DCTN1: variants seen among roughly 807,000 people sequenced by gnomAD.
DCTN1 encodes the protein 150 kDa dynein-associated polypeptide.
DCTN1 carries 61 observed loss-of-function variants against 161.2 expected under a neutral mutation model. That is an observed-to-expected ratio of 0.38 (90% confidence interval 0.31 to 0.47). DCTN1 has a LOEUF of 0.47. Among genes scored for constraint, DCTN1 ranks in the 20% least tolerant of loss-of-function variants. The pLI, the probability that DCTN1 is intolerant of heterozygous loss-of-function variation, is 0.99. For synonymous variants in DCTN1, 653 were observed against 632.4 expected (o/e 1.03, Z -0.49); for missense variants, 1,404 against 1,623.7 (o/e 0.86, Z 2.33).
intron 2 of DCTN1, 84 bp downstream of exon 2, chr2:74,377,916 A>G: frequency 6.3e-7 from 1 of 1,585,804 alleles, no homozygotes; most frequent in Non-Finnish European, 8.6e-7. Context: ...GCCCATGCTC[A>G]GGAAAACGAA....
chr2:74,387,080 T>C (rs1314531760), intron 1 of DCTN1: 1 of 152,296 alleles, frequency 6.6e-6, no homozygotes, highest in East Asian at 1.9e-4. Context: ...CATTGCTATC[T>C]GGCTCCATCC....
intron 26 of DCTN1, 52 bp from the exon 27 acceptor site, chr2:74,363,680 G>C: frequency 6.2e-7 from 1 of 1,610,606 alleles, no homozygotes; most frequent in Non-Finnish European, 8.5e-7. Context: ...AGAGGAGTTA[G>C]GTGATTTGGG....
Position 74,371,110 on chromosome 2 carries a change from G to A in DCTN1, c.712C>T (p.Arg238Trp). Residue 238 changes from arginine to tryptophan, a missense_variant, in exon 9 of 32, where the codon CGG becomes TGG. Transcript: ENST00000628224. Reference sequence around the variant, plus strand: ...TTTAGCTTTGCTTTGTCTTCTGCCCGTTTCAGTCTCAGGGTCTCTAGTTTC... The same window carrying A: ...TTTAGCTTTGCTTTGTCTTCTGCCCATTTCAGTCTCAGGGTCTCTAGTTTC... ...EEKLETLRLK[R>W]AEDKAKLKEL... 4 of 1,614,106 alleles carry A rather than the reference G, an allele frequency of 2.5e-6. No individual in the cohort carries two copies. The highest frequency in any genetic ancestry group is 2.5e-6 in the Non-Finnish European group (3 of 1,180,040).
chr2:74,391,846 C>G (rs1375061426), exon 1 of DCTN1: 1 of 453,878 alleles, frequency 2.2e-6, no homozygotes. Context: ...CGACCGACGC[C>G]CAAGACCCTG....
intron 1 of DCTN1, among the ~76,000 whole-genome samples, chr2:74,379,510 G>A (rs1675411572): frequency 1.3e-5 from 2 of 152,092 alleles, no homozygotes; most frequent in Non-Finnish European, 2.9e-5. Flanking sequence ...TCATGGACCT[G>A]ACAATAAAAG....
At chr2:74,384,178 C>T (rs534805636), upstream of DCTN1, among the ~76,000 whole-genome samples, 5 of 152,318 alleles carry the variant, frequency 3.3e-5, no homozygotes, top group Non-Finnish European at 5.9e-5. Flanking sequence ...ATTGCATACA[C>T]GAATACATGT....
At position 74,369,179 on chromosome 2, in the gene DCTN1, T is replaced by G; in HGVS notation, c.1620A>C (p.Ala540=). 1 of 1,614,266 alleles carries G rather than the reference T, an allele frequency of 6.2e-7. No homozygotes were observed. Among genetic ancestry groups the G allele is most frequent in the Non-Finnish European group, 8.5e-7 (1 of 1,180,050 alleles). ...GTGGCTGCTGTTGCCTCTCCACAGATGCTTCCTGCTGGTTTGTCAGTTCCC... is the reference window on the plus strand; with the variant it reads ...GTGGCTGCTGTTGCCTCTCCACAGAGGCTTCCTGCTGGTTTGTCAGTTCCC... The part of the protein sequence containing the change: ...VNRELTNQQE[A]SVERQQQPPP... The change falls in exon 15 of 32, where the codon GCA becomes GCC. Residue 540 remains alanine (A), a synonymous_variant. Coordinates refer to ENST00000628224, the MANE Select transcript of DCTN1 (RefSeq NM_004082.5). The surrounding 1 kb of genome is among the most constrained non-coding windows in gnomAD (Gnocchi z 4.9).
chr2:74,368,383 C>T, intron 16 of DCTN1: 1 of 618,060 alleles, frequency 1.6e-6, no homozygotes, highest in Non-Finnish European at 2.8e-6. Flanking sequence ...TCTTTCCTGA[C>T]TTAAAGCTGC....
chr2:74,367,009 G>C, intron 20 of DCTN1, 36 bp downstream of exon 20: 2 of 1,614,196 alleles, frequency 1.2e-6, no homozygotes, highest in South Asian at 2.2e-5. Context: ...GACTAAGAAA[G>C]AAGAGGAGCT....
Position 74,361,422 on chromosome 2 carries a change from G to C in DCTN1, c.*77C>G, listed in dbSNP as rs917118890. 6.2e-7 allele frequency: 1 copy of C among 1,604,298 alleles called. No individual in the cohort carries two copies. ...TAACCCACGTTTCTACCTGGGGGCT[G>C]GCTGAGGTGGCTGTGCATCGGGCAG... On this transcript the variant is annotated 3_prime_UTR_variant, in exon 32 of 32. Coordinates refer to ENST00000628224, the MANE Select transcript of DCTN1 (RefSeq NM_004082.5).
chr2:74,383,847 T>C (rs1313380273), upstream of DCTN1: 2 of 152,316 alleles, frequency 1.3e-5, no homozygotes, highest in Non-Finnish European at 2.9e-5. Flanking sequence ...CAGGGACATT[T>C]TGAAGATTAA....
At chr2:74,372,856 C>A in intron 7 of DCTN1, 72 bp downstream of exon 7, 1 of 1,447,978 alleles carries the variant, frequency 6.9e-7, no homozygotes, top group Non-Finnish European at 9.7e-7. Flanking sequence ...ATACACGTGC[C>A]CTCATACATC....
intron 1 of DCTN1, among the ~76,000 whole-genome samples, chr2:74,390,154 G>A (rs764638663): frequency 1.3e-5 from 2 of 152,138 alleles, no homozygotes; most frequent in Admixed American, 6.6e-5. Context: ...ACACTCCACA[G>A]AGAACAAAGA....
intron 16 of DCTN1, chr2:74,368,343 G>T (rs907512180): frequency 1.5e-6 from 1 of 683,452 alleles, no homozygotes; most frequent in East Asian, 2.8e-5. Context: ...ATGTGAAAAT[G>T]AAAGGGTAGT....
Position 74,361,516 on chromosome 2 carries a change from T to C in DCTN1, c.3820A>G (p.Ser1274Gly). ...AGGAGTGCTTAGGAGATGAGGCGAC[T>C]GTGAAGCTGGTGCAGCTGCTCCTGG... The part of the protein sequence containing the change: ...LTQEQLHQLH[S>G]RLIS Residue 1274 changes from serine (S) to glycine (G), a missense_variant, in exon 32 of 32, where the codon AGT (serine) becomes GGT (glycine). Ser to Gly is a moderately conservative substitution (Grantham distance 56, BLOSUM62 0). Coordinates refer to ENST00000628224, the MANE Select transcript of DCTN1 (RefSeq NM_004082.5). The C allele has an allele frequency of 6.2e-7, 1 of 1,614,104 alleles. No homozygotes were observed. The highest frequency in any genetic ancestry group is 8.5e-7 in the Non-Finnish European group (1 of 1,180,006).
Position 74,362,745 on chromosome 2 carries a change from G to C in DCTN1, c.3530-16C>G, listed in dbSNP as rs375246168. On this transcript the variant is annotated splice_polypyrimidine_tract_variant and intron_variant, in intron 29 of 31. Coordinates refer to ENST00000628224, the MANE Select transcript of DCTN1 (RefSeq NM_004082.5). ...CTCTTGGCAGCTGTGGGGAGAGAAA[G>C]CTGGTGAGGCCCACCAAGGCGCAGG... 1.2e-6 allele frequency: 2 copies of C among 1,613,356 alleles called. No individual in the cohort carries two copies. Among genetic ancestry groups the C allele is most frequent in the Non-Finnish European group, 1.7e-6 (2 of 1,179,668 alleles).
intron 16 of DCTN1, 44 bp from the exon 17 acceptor site, chr2:74,368,175 T>C: frequency 6.4e-7 from 1 of 1,555,630 alleles, no homozygotes; most frequent in South Asian, 1.2e-5. Context: ...GAGCAGAGGA[T>C]GGAGAACAGA....
At position 74,367,695 on chromosome 2, in the gene DCTN1, C is replaced by T; in HGVS notation, c.2184+1G>A. On this transcript the variant is annotated splice_donor_variant, in intron 18 of 31. Transcript: ENST00000628224. LOFTEE classifies it high-confidence loss of function. ...CCCAAGCCCAAATTCTTGCCCCACA[C>T]CTGATAGTACTTGATGGCCTTGGTG... 6.2e-7 allele frequency: 1 copy of T among 1,614,214 alleles called. No homozygotes were observed. Among genetic ancestry groups the T allele is most frequent in the East Asian group, 2.2e-5 (1 of 44,884 alleles).
chr2:74,376,635 G>T, intron 5 of DCTN1, 107 bp downstream of exon 5: 1 of 1,132,364 alleles, frequency 8.8e-7, no homozygotes, highest in Non-Finnish European at 1.3e-6. Context: ...GGCCATCCCA[G>T]CCCAAGGTCA....
Sources: allele counts gnomAD v4.1 joint callset (sites outside exome capture counted in the v4.1 genomes callset), GRCh38; gene constraint gnomAD v4.1.1; non-coding constraint Gnocchi (gnomAD v3.1); transcripts MANE v1.5; gene names NCBI Gene and HGNC (gene_info 2026-07-23, HGNC 2026-07-21).